The following PDK3 variants were observed in gnomAD, a reference collection of about 807,000 sequenced individuals.
PDK3 encodes pyruvate dehydrogenase kinase 3.
A neutral mutation model predicts 32.0 loss-of-function variants in PDK3; 12 were observed. The observed-to-expected ratio is 0.37, with a 90% CI of 0.24 to 0.61. The LOEUF (loss-of-function observed/expected upper bound fraction) is 0.61, where lower values mean the gene tolerates loss of function less well. Ranked by LOEUF, PDK3 falls within the 20% of genes least tolerant of loss-of-function variation. The probability of loss-of-function intolerance (pLI) is 0.65; values close to 1 mark genes in which losing one functional copy is unlikely to be tolerated. For synonymous variants in PDK3, 122 were observed against 116.3 expected (o/e 1.05, Z -0.31); for missense variants, 188 against 316.9 (o/e 0.59, Z 3.09).
chrX:24,512,489 A>T (rs760533145), intron 5 of PDK3, among the ~76,000 whole-genome samples: 1 of 112,267 alleles, frequency 8.9e-6, no homozygotes, highest in African/African-American at 3.2e-5. Flanking sequence ...AAGATTTATC[A>T]AAAGAACCTG....
intron 1 of PDK3, among the ~76,000 whole-genome samples, chrX:24,492,223 T>C (rs189321642): frequency 8.9e-6 from 1 of 112,126 alleles, no homozygotes; most frequent in African/African-American, 3.2e-5. Context: ...AGGAATAATA[T>C]ACAGATGCTC....
chrX:24,541,200 T>C (rs2148207018), exon 12 of PDK3, among the ~76,000 whole-genome samples: 1 of 109,439 alleles, frequency 9.1e-6, no homozygotes, highest in African/African-American at 3.3e-5. Flanking sequence ...TTCGAGCCAC[T>C]GCGCCCAGCC....
At chrX:24,481,118 A>G (rs1328264755) in intron 1 of PDK3, among the ~76,000 whole-genome samples, 1 of 104,597 alleles carries the variant, frequency 9.6e-6, no homozygotes, top group Non-Finnish European at 1.9e-5. Flanking sequence ...ATCTTGGCTC[A>G]CTGCAAGCTC....
intron 5 of PDK3, among the ~76,000 whole-genome samples, chrX:24,506,798 T>C (rs1004610992): frequency 3.4e-4 from 30 of 87,554 alleles, no homozygotes; most frequent in Non-Finnish European, 6.2e-4. Flanking sequence ...TGTTTTTTTC[T>C]TTCTTTTTTT....
Position 24,483,080 on chromosome X carries a change from T to A in PDK3, c.107-11662T>A, listed in dbSNP as rs143451821. 6.6e-3 allele frequency among the ~76,000 whole-genome samples: 741 copies of A among 112,571 alleles called. 5 individuals carry two copies. Among genetic ancestry groups the A allele is most frequent in the Non-Finnish European group, 0.011 (586 of 53,303 alleles). ...GGTAGGGAGCTCTTAACCTTGAATG[T>A]TAATTATCTTCAAGTTTATTGGCTG... On this transcript the variant is annotated intron_variant, in intron 1 of 10. Transcript: ENST00000379162.
At chrX:24,508,668 CT>C (rs1330677084) in intron 5 of PDK3, among the ~76,000 whole-genome samples, 3 of 110,833 alleles carry the variant, frequency 2.7e-5, no homozygotes, top group Admixed American at 1.9e-4. Flanking sequence ...CTGTGTTACT[CT>C]TCTCTCATAT....
chrX:24,522,771 T>C (rs1922429729), intron 6 of PDK3, among the ~76,000 whole-genome samples: 1 of 110,139 alleles, frequency 9.1e-6, no homozygotes, highest in Non-Finnish European at 1.9e-5. Flanking sequence ...CTGGGCATGA[T>C]GGCATGTTTC....
intron 5 of PDK3, among the ~76,000 whole-genome samples, chrX:24,510,513 A>G (rs1922091354): frequency 8.9e-6 from 1 of 112,573 alleles, no homozygotes; most frequent in East Asian, 2.8e-4. Context: ...ACGTTGTTTT[A>G]TACATTTGAA....
chrX:24,486,976 T>C lies in PDK3; in HGVS notation c.107-7766T>C, dbSNP rs1345361708. Among the ~76,000 whole-genome samples, 3 of 111,989 alleles carry C rather than the reference T, an allele frequency of 2.7e-5. No individual in the cohort carries two copies. In the Admixed American group the frequency reaches 2.9e-4, roughly 11 times the overall value. On this transcript the variant is annotated intron_variant, in intron 1 of 10. Transcript: ENST00000379162. ...GCCTAGAGTGGAGGCAGCCCCAAGT[T>C]TGGCAGATTCCAAATCTGCAGCCTA...
intron 2 of PDK3, among the ~76,000 whole-genome samples, chrX:24,498,441 A>G (rs1276151311): frequency 8.9e-6 from 1 of 111,917 alleles, no homozygotes; most frequent in Non-Finnish European, 1.9e-5. Context: ...AGCACTGCAC[A>G]AAAGCAGAGC....
At chrX:24,535,902 CAAAA>C (rs1254432751), downstream of PDK3, among the ~76,000 whole-genome samples, 1 of 27,481 alleles carries the variant, frequency 3.6e-5, no homozygotes, top group Admixed American at 4.3e-4. Context: ...CCATGCTGGT[CAAAA>C]AAAAAAAAAA....
At chrX:24,499,775 C>T (rs1921806672) in intron 3 of PDK3, among the ~76,000 whole-genome samples, 2 of 111,844 alleles carry the variant, frequency 1.8e-5, no homozygotes, top group African/African-American at 6.5e-5. Flanking sequence ...GACCTATAAG[C>T]TATGTTTACG....
chrX:24,469,906 C>T (rs933713292), intron 1 of PDK3, among the ~76,000 whole-genome samples: 1 of 111,999 alleles, frequency 8.9e-6, no homozygotes. Context: ...CATAGTTACC[C>T]TTTTTTATTT....
At chrX:24,518,112 C>T (rs1291217101) in intron 5 of PDK3, among the ~76,000 whole-genome samples, 1 of 112,034 alleles carries the variant, frequency 8.9e-6, no homozygotes, top group Non-Finnish European at 1.9e-5. Context: ...ATAAGTTAAA[C>T]AAGTACGTGT....
chrX:24,472,552 A>G (rs777278946), intron 1 of PDK3, among the ~76,000 whole-genome samples: 22 of 111,492 alleles, frequency 2.0e-4, no homozygotes, highest in Non-Finnish European at 3.8e-4. Context: ...GCATGTTGAA[A>G]TGGTAATATT....
intron 1 of PDK3, among the ~76,000 whole-genome samples, chrX:24,483,367 T>C (rs779036775): frequency 8.9e-6 from 1 of 112,156 alleles, no homozygotes; most frequent in East Asian, 2.8e-4. Flanking sequence ...TTGATATGGA[T>C]GCATGGCGGC....
exon 12 of PDK3, chrX:24,548,071 T>C (rs764510091): frequency 1.3e-3 from 147 of 112,534 alleles, no homozygotes; most frequent in African/African-American, 4.3e-3. Flanking sequence ...GAATAGCCTT[T>C]GATAAGAATC....
chrX:24,495,511 C>T (rs746253986), intron 2 of PDK3, among the ~76,000 whole-genome samples: 19 of 112,283 alleles, frequency 1.7e-4, no homozygotes, highest in Admixed American at 1.0e-3. Flanking sequence ...TTTGCTAGAA[C>T]GGCTCACAGA....
intron 1 of PDK3, 152 bp downstream of exon 1, chrX:24,465,713 G>T: frequency 2.2e-6 from 1 of 458,367 alleles, no homozygotes. Context: ...GGATTTCGGG[G>T]CGCGGAGGGG....
Sources: gnomAD v4.1 joint callset for allele counts (sites outside exome capture counted in the v4.1 genomes callset) on GRCh38, gnomAD v4.1.1 for gene constraint, MANE v1.5 for transcripts, NCBI Gene and HGNC (gene_info 2026-07-23, HGNC 2026-07-21) for gene names.